The following ERC2 variants were observed in gnomAD, a reference collection of about 807,000 sequenced individuals.
The protein encoded by ERC2 is ERC protein 2.
A neutral mutation model predicts 114.8 loss-of-function variants in ERC2; 42 were observed. The observed-to-expected ratio is 0.37, with a 90% CI of 0.29 to 0.47. The LOEUF (loss-of-function observed/expected upper bound fraction) is 0.47. Among genes scored for constraint, ERC2 ranks in the 20% least tolerant of loss-of-function variants. The pLI, the probability that ERC2 is intolerant of heterozygous loss-of-function variation, is 0.99. For missense variants in ERC2, 939 were observed against 1,150.7 expected, an observed-to-expected ratio of 0.82 and a Z score of 2.66; for synonymous variants, 454 against 425.5, an observed-to-expected ratio of 1.07 and a Z score of -0.82.
intron 4 of ERC2, among the ~76,000 whole-genome samples, chr3:56,157,540 A>G (rs556917243): frequency 2.2e-4 from 33 of 152,296 alleles, no homozygotes; most frequent in Middle Eastern, 3.4e-3. Flanking sequence ...GCCTAAAAAG[A>G]TGGACATCTG....
At chr3:56,272,605 C>T (rs116288946) in intron 3 of ERC2, among the ~76,000 whole-genome samples, 12,247 of 152,186 alleles carry the variant, frequency 0.08, 666 homozygotes, top group Middle Eastern at 0.13. Flanking sequence ...CGCTGTCTCT[C>T]CTAAAAATAT....
At chr3:55,742,033 T>A (rs2065990741) in intron 14 of ERC2, among the ~76,000 whole-genome samples, 1 of 150,974 alleles carries the variant, frequency 6.6e-6, no homozygotes, top group Non-Finnish European at 1.5e-5. Context: ...TGTCATTCAG[T>A]GTGTAGGAGG....
intron 6 of ERC2, among the ~76,000 whole-genome samples, chr3:56,115,978 C>G (rs144756498): frequency 3.9e-5 from 6 of 152,258 alleles, no homozygotes; most frequent in South Asian, 2.1e-4. Flanking sequence ...ATTATTCAAA[C>G]GAGCTAATTC....
At chr3:55,660,528 TCTC>T (rs1234102945) in intron 17 of ERC2, among the ~76,000 whole-genome samples, 1 of 148,230 alleles carries the variant, frequency 6.7e-6, no homozygotes, top group Non-Finnish European at 1.5e-5. Flanking sequence ...TGATTTTTTT[TCTC>T]CTTGCTCAGC....
intron 13 of ERC2, among the ~76,000 whole-genome samples, chr3:55,935,415 T>C (rs1157836366): frequency 6.6e-6 from 1 of 152,196 alleles, no homozygotes; most frequent in African/African-American, 2.4e-5. Context: ...GGTTTAGTGT[T>C]CCCTGCATGG....
At chr3:56,416,033 G>T (rs2061139919) in intron 2 of ERC2, among the ~76,000 whole-genome samples, 1 of 152,154 alleles carries the variant, frequency 6.6e-6, no homozygotes, top group African/African-American at 2.4e-5. Context: ...ACCAAGTTGA[G>T]CCTTGGAAAC....
chr3:55,709,628 G>T (rs1001163983), intron 15 of ERC2, among the ~76,000 whole-genome samples: 1 of 152,214 alleles, frequency 6.6e-6, no homozygotes, highest in Non-Finnish European at 1.5e-5. Flanking sequence ...TCGCGCAGAA[G>T]TGGAAGCAAA....
chr3:55,643,193 G>T (rs1027889226), intron 17 of ERC2, among the ~76,000 whole-genome samples: 4 of 152,230 alleles, frequency 2.6e-5, no homozygotes, highest in Non-Finnish European at 5.9e-5. Flanking sequence ...TTAAAAATGG[G>T]ATTGGCAATC....
chr3:56,037,698 G>A (rs1259057622), intron 7 of ERC2, among the ~76,000 whole-genome samples: 1 of 152,138 alleles, frequency 6.6e-6, no homozygotes, highest in South Asian at 2.1e-4. Context: ...AGGAAACCCA[G>A]AGAACCCCAG....
chr3:55,545,479 G>T (rs889063843), intron 17 of ERC2, among the ~76,000 whole-genome samples: 4 of 152,238 alleles, frequency 2.6e-5, no homozygotes, highest in African/African-American at 9.6e-5. Context: ...ATGGGATCAG[G>T]TAGAATGGAT....
intron 13 of ERC2, among the ~76,000 whole-genome samples, chr3:55,942,440 C>T (rs1431824243): frequency 6.7e-5 from 10 of 149,714 alleles, no homozygotes; most frequent in African/African-American, 1.7e-4. Context: ...AGGCGCCCGC[C>T]ACTACGCCCG....
intron 2 of ERC2, among the ~76,000 whole-genome samples, chr3:56,337,928 C>CA (rs1560619184): frequency 6.6e-6 from 1 of 152,110 alleles, no homozygotes; most frequent in East Asian, 1.9e-4. Flanking sequence ...CCACATGGTG[C>CA]AAAAAATTAA....
intron 2 of ERC2, among the ~76,000 whole-genome samples, chr3:56,331,512 A>G (rs778143141): frequency 3.2e-4 from 49 of 152,154 alleles, no homozygotes; most frequent in Non-Finnish European, 6.3e-4. Flanking sequence ...TTTTTCTTTA[A>G]CACAGTAATG....
intron 3 of ERC2, among the ~76,000 whole-genome samples, chr3:56,249,394 C>T (rs1158151373): frequency 6.6e-6 from 1 of 151,936 alleles, no homozygotes; most frequent in Non-Finnish European, 1.5e-5. Flanking sequence ...GGTGCAATCT[C>T]AGCTCACTGC....
chr3:55,984,065 T>C (rs2149510421), intron 12 of ERC2, among the ~76,000 whole-genome samples: 1 of 152,300 alleles, frequency 6.6e-6, no homozygotes, highest in African/African-American at 2.4e-5. Context: ...TTCACAATGA[T>C]TGCACATTTT....
chr3:55,590,297 G>C (rs1184031258), intron 17 of ERC2, among the ~76,000 whole-genome samples: 1 of 152,132 alleles, frequency 6.6e-6, no homozygotes, highest in Non-Finnish European at 1.5e-5. Flanking sequence ...TCATCCCGTT[G>C]GTGGGTGCAT....
intron 17 of ERC2, among the ~76,000 whole-genome samples, chr3:55,542,637 A>G (rs1054768492): frequency 6.6e-6 from 1 of 152,210 alleles, no homozygotes; most frequent in African/African-American, 2.4e-5. Context: ...AAAAGATGGG[A>G]CAGATCTTTC....
At chr3:56,259,592 G>A (rs2052770170) in intron 3 of ERC2, among the ~76,000 whole-genome samples, 1 of 151,978 alleles carries the variant, frequency 6.6e-6, no homozygotes, top group African/African-American at 2.4e-5. Context: ...TAATATCCCA[G>A]ATACCCTCTA....
At chr3:56,081,689 T>G (rs1474751040) in intron 6 of ERC2, among the ~76,000 whole-genome samples, 1 of 152,132 alleles carries the variant, frequency 6.6e-6, no homozygotes, top group Admixed American at 6.5e-5. Flanking sequence ...TAAGTTTTTT[T>G]TTTAATTTAA....
Sources: gnomAD v4.1 joint callset for allele counts (sites outside exome capture counted in the v4.1 genomes callset) on GRCh38, gnomAD v4.1.1 for gene constraint, MANE v1.5 for transcripts, NCBI Gene and HGNC (gene_info 2026-07-23, HGNC 2026-07-21) for gene names.